Variants in VWF observed in about 807,000 individuals in gnomAD.
VWF encodes von Willebrand factor, also known as Factor VIII related antigen.
A neutral mutation model predicts 308.6 loss-of-function variants in VWF; 176 were observed. The ratio of observed to expected loss-of-function variants is 0.57; its 90% CI spans 0.50 to 0.65. The LOEUF (loss-of-function observed/expected upper bound fraction) is 0.65, where lower values mean the gene tolerates loss of function less well. VWF is among the 30% of genes least tolerant of loss of function. The pLI is 0.00. For synonymous variants in VWF, 1,385 were observed against 1,443.4 expected (o/e 0.96, Z 0.92); for missense variants, 3,146 against 3,648.2 (o/e 0.86, Z 3.55).
chr12:5,998,911 T>C (rs1442291188), intron 34 of VWF, among the ~76,000 whole-genome samples: 1 of 152,122 alleles, frequency 6.6e-6, no homozygotes, highest in East Asian at 1.9e-4. Context: ...GTATTTTTAG[T>C]GGAGACAGAG....
chr12:5,962,163 T>C (rs1267179257), intron 47 of VWF, among the ~76,000 whole-genome samples: 1 of 152,164 alleles, frequency 6.6e-6, no homozygotes, highest in Admixed American at 6.5e-5. Flanking sequence ...TCTCAGGTAT[T>C]GTGTTACAGC....
At chr12:6,065,937 G>A (rs980380148) in intron 10 of VWF, among the ~76,000 whole-genome samples, 4 of 152,234 alleles carry the variant, frequency 2.6e-5, no homozygotes, top group Admixed American at 6.5e-5. Flanking sequence ...GCAAGCCCAC[G>A]CTGTGACTCC....
chr12:6,102,595 C>A (rs186286368), intron 5 of VWF, among the ~76,000 whole-genome samples: 1 of 151,744 alleles, frequency 6.6e-6, no homozygotes, highest in East Asian at 1.9e-4. Flanking sequence ...ATTAGCCAGG[C>A]GTGGTGGCAG....
chr12:6,026,906 A>G (rs1944199613), intron 22 of VWF, among the ~76,000 whole-genome samples: 1 of 152,236 alleles, frequency 6.6e-6, no homozygotes, highest in Non-Finnish European at 1.5e-5. Flanking sequence ...ATGTCAACTA[A>G]AAATAATAAT....
intron 20 of VWF, among the ~76,000 whole-genome samples, chr12:6,033,801 A>C (rs1458109419): frequency 1.3e-5 from 2 of 152,008 alleles, no homozygotes; most frequent in Non-Finnish European, 2.9e-5. Flanking sequence ...AGCTCCTGCA[A>C]CTCAGCCTCT....
intron 6 of VWF, among the ~76,000 whole-genome samples, chr12:6,079,085 C>G (rs773358734): frequency 2.6e-5 from 4 of 152,240 alleles, no homozygotes; most frequent in Non-Finnish European, 4.4e-5. Flanking sequence ...AAGATAAAGT[C>G]TGTCCTCCCA....
chr12:6,122,728 T>C (rs763195655), intron 2 of VWF: 1 of 526,240 alleles, frequency 1.9e-6, no homozygotes, highest in East Asian at 5.3e-5. Flanking sequence ...GACTGACCTC[T>C]GATTTTGGCT....
chr12:6,060,359 C>G lies in VWF; in HGVS notation c.1534-2315G>C, dbSNP rs1328170663. Among the ~76,000 whole-genome samples the G allele has an allele frequency of 6.6e-6, 1 of 152,088 alleles. No individual in the cohort carries two copies. Among genetic ancestry groups the G allele is most frequent in the Non-Finnish European group, 1.5e-5 (1 of 67,996 alleles). On this transcript the variant is annotated intron_variant, in intron 13 of 51. Coordinates refer to ENST00000261405, the MANE Select transcript of VWF (RefSeq NM_000552.5). This position sits in a 1 kb window ranked among gnomAD's most constrained non-coding sequence, Gnocchi z 5.1. ...CCCCACGGGGACAAAGCGTACATAACACACCCAGGGGAAGGAGACCGGGGG... is the reference window on the plus strand; with the variant it reads ...CCCCACGGGGACAAAGCGTACATAAGACACCCAGGGGAAGGAGACCGGGGG...
intron 2 of VWF, chr12:6,122,613 G>C (rs1391335532): frequency 2.6e-6 from 1 of 382,832 alleles, no homozygotes; most frequent in Non-Finnish European, 5.1e-6. Context: ...AAGCGCCCAA[G>C]GTCAAAAGTC....
At chr12:5,949,920 C>T in intron 50 of VWF, 37 bp from the exon 51 acceptor site, 2 of 1,597,232 alleles carry the variant, frequency 1.3e-6, no homozygotes, top group Non-Finnish European at 1.7e-6. Context: ...TGAGGACTGG[C>T]TGGGGTTCTA....
intron 5 of VWF, among the ~76,000 whole-genome samples, chr12:6,103,346 G>A (rs1416524735): frequency 5.5e-5 from 8 of 146,440 alleles, no homozygotes; most frequent in African/African-American, 2.1e-4. Flanking sequence ...ATATATATAT[G>A]TGTGTATATA....
Position 6,024,469 on chromosome 12 carries a change from TC to T in VWF, c.3223-683del, listed in dbSNP as rs932988136. Among the ~76,000 whole-genome samples the T allele has an allele frequency of 6.6e-6, 1 of 152,190 alleles. No individual in the cohort carries two copies. Among genetic ancestry groups the T allele is most frequent in the Non-Finnish European group, 1.5e-5 (1 of 68,028 alleles). On this transcript the variant is annotated intron_variant, in intron 24 of 51. Transcript: ENST00000261405. This position sits in a 1 kb window ranked among gnomAD's most constrained non-coding sequence, Gnocchi z 4.0. ...CCAACTCCTCCCCTGTCCTCACTCT[TC>T]CAACTCAGATGCCCAGGATTTCCAC... is the stretch of plus-strand genomic sequence containing the variant.
At chr12:6,083,720 A>G (rs3819538) in intron 6 of VWF, among the ~76,000 whole-genome samples, 116,719 of 152,102 alleles carry the variant, frequency 0.77, 45,582 homozygotes, top group African/African-American at 0.92. Flanking sequence ...TCCCACCCCC[A>G]CGGGGCACAG....
Position 6,022,830 on chromosome 12 carries a change from C to T in VWF, c.3448G>A (p.Ala1150Thr), listed in dbSNP as rs1449083671. The T allele has an allele frequency of 1.8e-6, 1 of 543,124 alleles. No homozygotes were observed. The highest frequency in any genetic ancestry group is 2.1e-5 in the South Asian group (1 of 47,692). The allele number at this position is 543,124 out of a possible 1,614,324, so 33.6% of individuals were successfully genotyped here. A position where few individuals can be genotyped will look rare whatever the true frequency, so the allele number is the denominator to read the frequency against. The part of the protein sequence containing the change: ...YECEWRYNSC[A>T]PACQVTCQHP... The stretch of plus-strand genomic sequence containing the variant: ...TGACACGTGACTTGACAGGCAGGTG[C>T]ACAGCTGTTATAGCGCCACTCACAC... Residue 1150 changes from alanine (A) to threonine (T), a missense_variant, in exon 26 of 52, where the codon GCA becomes ACA. Coordinates refer to ENST00000261405, the MANE Select transcript of VWF (RefSeq NM_000552.5).
Position 5,949,815 on chromosome 12 carries a change from C to A in VWF, c.8224G>T (p.Glu2742Ter), listed in dbSNP as rs1943159575. The A allele has an allele frequency of 6.2e-7, 1 of 1,614,198 alleles. No individual in the cohort carries two copies. Among genetic ancestry groups the A allele is most frequent in the Non-Finnish European group, 8.5e-7 (1 of 1,180,042 alleles). The change falls in exon 51 of 52, where the codon GAA becomes TAA. Residue 2742 changes from glutamate (E) to a stop codon, truncating the protein, a stop_gained. Transcript: ENST00000261405. LOFTEE classifies it high-confidence loss of function. ...QYVKVGSCKS[E>*]VEVDIHYCQG... ...CAGTAGTGGATATCCACCTCTACTTCAGACTTACAGCTTCCCACCTTGACA... is the reference window on the plus strand; with the variant it reads ...CAGTAGTGGATATCCACCTCTACTTAAGACTTACAGCTTCCCACCTTGACA...
chr12:6,071,565 A>G (rs1372233976), intron 9 of VWF, among the ~76,000 whole-genome samples: 1 of 152,204 alleles, frequency 6.6e-6, no homozygotes, highest in Non-Finnish European at 1.5e-5. Context: ...AAACCCCAAC[A>G]GAGAAAAAGA....
intron 6 of VWF, among the ~76,000 whole-genome samples, chr12:6,089,989 G>A (rs938373157): frequency 6.6e-5 from 10 of 151,674 alleles, no homozygotes; most frequent in Non-Finnish European, 1.2e-4. Context: ...ATGGAGTCTC[G>A]CTGTGTCACC....
intron 47 of VWF, among the ~76,000 whole-genome samples, chr12:5,956,129 A>G (rs1428999885): frequency 6.6e-6 from 1 of 152,192 alleles, no homozygotes; most frequent in Non-Finnish European, 1.5e-5. Context: ...AGCACAACAC[A>G]TTACTCCCAT....
intron 18 of VWF, among the ~76,000 whole-genome samples, chr12:6,038,748 C>T (rs1053658728): frequency 1.3e-5 from 2 of 152,194 alleles, no homozygotes; most frequent in Admixed American, 6.5e-5. Context: ...ATAATAGGAC[C>T]TTGATATTAA....
Sources: allele counts gnomAD v4.1 joint callset (sites outside exome capture counted in the v4.1 genomes callset), GRCh38; gene constraint gnomAD v4.1.1; non-coding constraint Gnocchi (gnomAD v3.1); transcripts MANE v1.5; gene names NCBI Gene and HGNC (gene_info 2026-07-23, HGNC 2026-07-21).